The following NRXN3 variants were observed in gnomAD, a reference collection of about 807,000 sequenced individuals.
NRXN3 encodes the protein neurexin III.
In NRXN3, 32 loss-of-function variants were observed where a neutral mutation model predicts 137.6. The observed-to-expected ratio is 0.23, with a 90% CI of 0.18 to 0.31. The LOEUF is 0.31. NRXN3 is among the 10% of genes least tolerant of loss of function. NRXN3 has a pLI of 1.00. For synonymous variants in NRXN3, 798 were observed against 784.5 expected, an observed-to-expected ratio of 1.02 and a Z score of -0.29; for missense variants, 1,574 against 2,062.5, an observed-to-expected ratio of 0.76 and a Z score of 4.59.
intron 15 of NRXN3, among the ~76,000 whole-genome samples, chr14:79,184,927 C>G (rs1477242880): frequency 1.3e-5 from 2 of 152,018 alleles, no homozygotes; most frequent in African/African-American, 4.8e-5. Flanking sequence ...CCTATAGGCT[C>G]TCAGGTTTTT....
At position 79,865,059 on chromosome 14, in the gene NRXN3, A is replaced by G. The variant is rs2099417558; in HGVS notation, c.*3095A>G. The G allele has an allele frequency of 1.3e-5, 2 of 152,136 alleles. No homozygotes were observed. Among genetic ancestry groups the G allele is most frequent in the South Asian group, 2.1e-4 (1 of 4,832 alleles). The allele number at this position is 152,136 out of a possible 1,614,324, so 9.4% of individuals were successfully genotyped here. A position where few individuals can be genotyped will look rare whatever the true frequency, so the allele number is the denominator to read the frequency against. ...AGCCACCGCGCCCGGCTTGGATACT[A>G]TGTTTTTTAAAGGCATTTCGTACCT... On this transcript the variant is annotated 3_prime_UTR_variant, in exon 21 of 21. Transcript: ENST00000335750.
At chr14:79,733,625 A>G (rs1255691792) in intron 19 of NRXN3, among the ~76,000 whole-genome samples, 1 of 152,038 alleles carries the variant, frequency 6.6e-6, no homozygotes, top group East Asian at 1.9e-4. Context: ...TCTTGACACA[A>G]TGAAGGGACC....
At chr14:79,375,797 T>C (rs1226830450) in intron 15 of NRXN3, among the ~76,000 whole-genome samples, 1 of 151,994 alleles carries the variant, frequency 6.6e-6, no homozygotes, top group Non-Finnish European at 1.5e-5. Flanking sequence ...CTCATCAATA[T>C]ATAAAAACTA....
At chr14:78,407,846 C>T (rs1411622153) in intron 4 of NRXN3, among the ~76,000 whole-genome samples, 2 of 152,174 alleles carry the variant, frequency 1.3e-5, no homozygotes, top group Non-Finnish European at 2.9e-5. Flanking sequence ...TCCCCATGTT[C>T]CAGTGCTGCT....
rs1479962458 is a variant in NRXN3 at position 79,318,230 on chromosome 14, C to T, written c.3263-148991C>T. Among the ~76,000 whole-genome samples, 3 of 152,076 alleles carry T rather than the reference C, an allele frequency of 2.0e-5. No homozygotes were observed. In the East Asian group the frequency reaches 5.8e-4, roughly 29 times the overall value. ...AAGAACATGACAAAATAAAAACATA[C>T]AAATTTATATCTCAAAAGGAAAGTA... is the stretch of plus-strand genomic sequence containing the variant. On this transcript the variant is annotated intron_variant, in intron 15 of 20. Transcript: ENST00000335750.
intron 4 of NRXN3, among the ~76,000 whole-genome samples, chr14:78,642,805 A>C (rs2097648565): frequency 6.6e-6 from 1 of 152,234 alleles, no homozygotes; most frequent in African/African-American, 2.4e-5. Flanking sequence ...TGGGGAGTGG[A>C]TAGAACTACT....
chr14:79,754,589 C>CAT (rs199939712), intron 19 of NRXN3, among the ~76,000 whole-genome samples: 3 of 133,220 alleles, frequency 2.3e-5, no homozygotes, highest in African/African-American at 8.5e-5. Flanking sequence ...CACACACACA[C>CAT]ATATATATAC....
intron 15 of NRXN3, among the ~76,000 whole-genome samples, chr14:79,242,707 A>G (rs1375328268): frequency 6.6e-6 from 1 of 152,180 alleles, no homozygotes; most frequent in African/African-American, 2.4e-5. Flanking sequence ...AGTGTGAGGC[A>G]GACAACCTGA....
intron 15 of NRXN3, among the ~76,000 whole-genome samples, chr14:79,441,884 C>T (rs1219830572): frequency 6.6e-6 from 1 of 151,702 alleles, no homozygotes; most frequent in Non-Finnish European, 1.5e-5. Context: ...AAAAACTGTC[C>T]TCCTTCTCCG....
intron 4 of NRXN3, among the ~76,000 whole-genome samples, chr14:78,330,545 T>A (rs1345924516): frequency 6.6e-6 from 1 of 152,188 alleles, no homozygotes; most frequent in Non-Finnish European, 1.5e-5. Context: ...TACATTAATC[T>A]CAGAGCTAAT....
chr14:79,061,190 G>C (rs2099673811), intron 15 of NRXN3, among the ~76,000 whole-genome samples: 1 of 152,204 alleles, frequency 6.6e-6, no homozygotes, highest in African/African-American at 2.4e-5. Flanking sequence ...GGAGACAACA[G>C]TGCATAAAGA....
At chr14:78,193,299 T>C (rs2060912358) in intron 1 of NRXN3, among the ~76,000 whole-genome samples, 1 of 152,128 alleles carries the variant, frequency 6.6e-6, no homozygotes, top group Non-Finnish European at 1.5e-5. Context: ...TAGGATTGCA[T>C]AAAGTCACAC....
intron 6 of NRXN3, among the ~76,000 whole-genome samples, chr14:78,670,499 C>A (rs2152711594): frequency 6.6e-6 from 1 of 152,266 alleles, no homozygotes; most frequent in East Asian, 1.9e-4. Flanking sequence ...TAGGTCTCAG[C>A]CTTGTTTTAC....
At chr14:79,637,398 A>G (rs1567740156) in intron 16 of NRXN3, among the ~76,000 whole-genome samples, 1 of 152,152 alleles carries the variant, frequency 6.6e-6, no homozygotes, top group Non-Finnish European at 1.5e-5. Context: ...TTGTAAAGAC[A>G]CATTCACTTC....
At chr14:79,288,042 T>A (rs530366738) in intron 15 of NRXN3, among the ~76,000 whole-genome samples, 5 of 152,248 alleles carry the variant, frequency 3.3e-5, no homozygotes, top group Non-Finnish European at 7.3e-5. Context: ...GACACCACTG[T>A]GCATCTTAAA....
At chr14:78,386,889 CCTAT>C (rs2090049141) in intron 4 of NRXN3, among the ~76,000 whole-genome samples, 1 of 151,900 alleles carries the variant, frequency 6.6e-6, no homozygotes, top group Admixed American at 6.6e-5. Context: ...AAGTGATTGT[CCTAT>C]CTCAGCCTCC....
chr14:78,322,421 A>C (rs61976034), intron 4 of NRXN3, among the ~76,000 whole-genome samples: 75,092 of 151,658 alleles, frequency 0.5, 20,523 homozygotes, highest in African/African-American at 0.72. Flanking sequence ...GGAGTCCAAG[A>C]CCTCCAATAG....
At chr14:79,395,325 A>T (rs1024682259) in intron 15 of NRXN3, among the ~76,000 whole-genome samples, 1 of 152,146 alleles carries the variant, frequency 6.6e-6, no homozygotes, top group Non-Finnish European at 1.5e-5. Context: ...ATATTTATGA[A>T]CTTCTGCCTT....
Position 79,370,323 on chromosome 14 carries a change from G to GTT in NRXN3, c.3263-96887_3263-96886dup, listed in dbSNP as rs71131696. On this transcript the variant is annotated intron_variant, in intron 15 of 20. Coordinates refer to ENST00000335750, the MANE Select transcript of NRXN3 (RefSeq NM_001330195.2). The stretch of plus-strand genomic sequence containing the variant: ...TTTCTGTTTTTTTGGGTTTTTTTTT[G>GTT]TTTTTTTTTTTTGAGATGGAGTTTT... Among the ~76,000 whole-genome samples, 1,257 of 137,408 alleles carry GTT rather than the reference G, an allele frequency of 9.1e-3. 16 individuals are homozygous for GTT. The highest frequency in any genetic ancestry group is 0.026 in the African/African-American group (975 of 37,152). The allele number at this position is 137,408 out of a possible 152,430, so 90.1% of individuals were successfully genotyped here.
Sources: allele counts gnomAD v4.1 joint callset (sites outside exome capture counted in the v4.1 genomes callset), GRCh38; gene constraint gnomAD v4.1.1; transcripts MANE v1.5; gene names NCBI Gene and HGNC (gene_info 2026-07-23, HGNC 2026-07-21).